ADAMTSL1: variants seen among roughly 807,000 people sequenced by gnomAD.
ADAMTSL1 encodes the protein ADAMTS like 1.
Under a neutral mutation model 201.8 loss-of-function variants are expected in ADAMTSL1, and 126 were observed. That is an observed-to-expected ratio of 0.62 (90% confidence interval 0.54 to 0.72). ADAMTSL1 has a LOEUF of 0.72. Ranked by LOEUF, ADAMTSL1 falls within the 30% of genes least tolerant of loss-of-function variation. The pLI, the probability that ADAMTSL1 is intolerant of heterozygous loss-of-function variation, is 0.00. For synonymous variants in ADAMTSL1, 1,121 were observed against 903.4 expected (o/e 1.24, Z -4.32); for missense variants, 2,679 against 2,277.8 (o/e 1.18, Z -3.59).
At chr9:18,113,929 A>G (rs1210312109) in intron 1 of ADAMTSL1, among the ~76,000 whole-genome samples, 1 of 152,156 alleles carries the variant, frequency 6.6e-6, no homozygotes, top group Non-Finnish European at 1.5e-5. Context: ...TCATATAGGT[A>G]GAGAGTAGTG....
chr9:18,299,735 C>T (rs760861003), intron 2 of ADAMTSL1, among the ~76,000 whole-genome samples: 2 of 152,222 alleles, frequency 1.3e-5, no homozygotes, highest in African/African-American at 2.4e-5. Context: ...TACTGGAAGC[C>T]GCCAAAATAG....
intron 2 of ADAMTSL1, among the ~76,000 whole-genome samples, chr9:18,512,987 A>G (rs1818124626): frequency 6.6e-6 from 1 of 152,216 alleles, no homozygotes; most frequent in African/African-American, 2.4e-5. Context: ...CCTAATCCCT[A>G]TACCACAGAA....
At chr9:18,230,233 G>A (rs1056091135) in intron 2 of ADAMTSL1, among the ~76,000 whole-genome samples, 2 of 152,120 alleles carry the variant, frequency 1.3e-5, no homozygotes, top group Admixed American at 6.6e-5. Context: ...CTCATCATAT[G>A]CACACATGCT....
chr9:18,368,622 G>A (rs1836895365), intron 2 of ADAMTSL1, among the ~76,000 whole-genome samples: 1 of 152,154 alleles, frequency 6.6e-6, no homozygotes, highest in African/African-American at 2.4e-5. Context: ...AAGTTTGCCT[G>A]CATTCTTTAT....
intron 19 of ADAMTSL1, among the ~76,000 whole-genome samples, chr9:18,794,724 C>G (rs1273219974): frequency 1.3e-5 from 2 of 152,154 alleles, no homozygotes; most frequent in Admixed American, 6.5e-5. Context: ...ACCTCTGCCC[C>G]CCACGTTCAA....
At chr9:17,926,511 A>C (rs895377651) in intron 1 of ADAMTSL1, among the ~76,000 whole-genome samples, 1 of 152,186 alleles carries the variant, frequency 6.6e-6, no homozygotes, top group African/African-American at 2.4e-5. Flanking sequence ...CCCAGGAAGG[A>C]GGAGGAGAGT....
At chr9:18,140,713 C>T (rs1298577767) in intron 1 of ADAMTSL1, among the ~76,000 whole-genome samples, 1 of 152,148 alleles carries the variant, frequency 6.6e-6, no homozygotes, top group Non-Finnish European at 1.5e-5. Flanking sequence ...GCCTGAAATC[C>T]AACTTTCCAG....
At chr9:18,371,780 T>C (rs1033908195) in intron 2 of ADAMTSL1, among the ~76,000 whole-genome samples, 1 of 152,134 alleles carries the variant, frequency 6.6e-6, no homozygotes, top group South Asian at 2.1e-4. Context: ...TAGTTTAGAA[T>C]CTCTCTCTGC....
At chr9:17,984,191 A>C (rs555445512) in intron 1 of ADAMTSL1, among the ~76,000 whole-genome samples, 6 of 152,126 alleles carry the variant, frequency 3.9e-5, no homozygotes, top group African/African-American at 1.4e-4. Context: ...TCAAAATTAA[A>C]ATAGAATTTT....
At chr9:18,650,301 T>C (rs1828150731) in intron 7 of ADAMTSL1, among the ~76,000 whole-genome samples, 2 of 152,202 alleles carry the variant, frequency 1.3e-5, no homozygotes, top group South Asian at 4.1e-4. Flanking sequence ...TGTCACCCCT[T>C]TCCTTGGCCA....
At chr9:18,025,467 G>C (rs1303964905) in intron 1 of ADAMTSL1, among the ~76,000 whole-genome samples, 1 of 151,996 alleles carries the variant, frequency 6.6e-6, no homozygotes, top group African/African-American at 2.4e-5. Context: ...TTATTCTTCT[G>C]TGTATGGTTA....
chr9:18,851,479 C>G lies in ADAMTSL1; in HGVS notation c.4249+21502C>G, dbSNP rs543491919. Among the ~76,000 whole-genome samples, 55 of 152,034 alleles carry G rather than the reference C, an allele frequency of 3.6e-4. 1 individual carries two copies. The highest frequency in any genetic ancestry group is 2.9e-4 in the Non-Finnish European group (20 of 68,022). On this transcript the variant is annotated intron_variant, in intron 23 of 28. Transcript: ENST00000380548. Reference sequence around the variant, plus strand: ...ATTAATTCATTCCAGGAGCATAAGGCAGAGTGAGAGACTGAGGCAAATTTT... The same window carrying G: ...ATTAATTCATTCCAGGAGCATAAGGGAGAGTGAGAGACTGAGGCAAATTTT...
rs112065219 is a variant in ADAMTSL1, at chr9:18,282,085, G to A, written c.207+118104G>A. 5.9e-3 allele frequency among the ~76,000 whole-genome samples: 895 copies of A among 152,170 alleles called. 10 individuals carry two copies. The highest frequency in any genetic ancestry group is 0.021 in the African/African-American group (861 of 41,510). On this transcript the variant is annotated intron_variant, in intron 2 of 29. Coordinates refer to the ADAMTSL1 transcript ENST00000680146. Reference sequence around the variant, plus strand: ...ACAAATAGTGGACACCGTACCTAACGTGTTATTTTTCAATCCTTCCCCCGC... The same window carrying A: ...ACAAATAGTGGACACCGTACCTAACATGTTATTTTTCAATCCTTCCCCCGC...
chr9:18,423,064 T>C (rs1819035111), intron 2 of ADAMTSL1, among the ~76,000 whole-genome samples: 2 of 152,212 alleles, frequency 1.3e-5, no homozygotes, highest in Admixed American at 1.3e-4. Context: ...CCAATTTCTT[T>C]AATTTCTTTC....
rs117324633 is a variant in ADAMTSL1 at position 18,203,996 on chromosome 9, C to T, written c.207+40015C>T. 1.8e-4 allele frequency among the ~76,000 whole-genome samples: 28 copies of T among 152,252 alleles called. 1 individual carries two copies. In the East Asian group the frequency reaches 5.2e-3, roughly 28 times the overall value. On this transcript the variant is annotated intron_variant, in intron 2 of 29. Coordinates refer to the ADAMTSL1 transcript ENST00000680146. Reference sequence around the variant, plus strand: ...AGGGGAGAAGAAAGAAGCAGTGAAACTTACTGAGTCAGAAGTCTGTCATCT... The same window carrying T: ...AGGGGAGAAGAAAGAAGCAGTGAAATTTACTGAGTCAGAAGTCTGTCATCT...
At chr9:17,948,234 C>T (rs887562796) in intron 1 of ADAMTSL1, among the ~76,000 whole-genome samples, 5 of 152,152 alleles carry the variant, frequency 3.3e-5, no homozygotes, top group African/African-American at 1.2e-4. Context: ...TATGATAAAA[C>T]CACTGTAGCA....
chr9:18,206,501 C>T (rs1829654414), intron 2 of ADAMTSL1, among the ~76,000 whole-genome samples: 1 of 152,122 alleles, frequency 6.6e-6, no homozygotes, highest in Non-Finnish European at 1.5e-5. Context: ...ATGACCCCTA[C>T]TGTGTGTTAC....
At chr9:18,863,809 G>A (rs886752980) in intron 23 of ADAMTSL1, among the ~76,000 whole-genome samples, 14 of 152,050 alleles carry the variant, frequency 9.2e-5, no homozygotes, top group African/African-American at 1.5e-4. Flanking sequence ...AGTGAGGCCC[G>A]TACACACCAC....
chr9:17,989,595 A>T (rs1014918925), intron 1 of ADAMTSL1, among the ~76,000 whole-genome samples: 1 of 152,022 alleles, frequency 6.6e-6, no homozygotes, highest in Admixed American at 6.6e-5. Context: ...GCCTTTTTTG[A>T]AATAATTTTG....
Sources: allele counts gnomAD v4.1 joint callset (sites outside exome capture counted in the v4.1 genomes callset), GRCh38; gene constraint gnomAD v4.1.1; transcripts MANE v1.5; gene names NCBI Gene and HGNC (gene_info 2026-07-23, HGNC 2026-07-21).